RTN4: variants seen among roughly 807,000 people sequenced by gnomAD.
The protein encoded by RTN4 is reticulon-4.
A neutral mutation model predicts 90.4 loss-of-function variants in RTN4; 32 were observed. The ratio of observed to expected loss-of-function variants is 0.35; its 90% CI spans 0.27 to 0.48. The LOEUF is 0.48. RTN4 is among the 20% of genes least tolerant of loss of function. The pLI is 0.99. For synonymous variants in RTN4, 629 were observed against 552.5 expected (o/e 1.14, Z -1.94); for missense variants, 1,706 against 1,430.2 (o/e 1.19, Z -3.11).
At chr2:55,114,531 G>A (rs1010654439), upstream of RTN4, among the ~76,000 whole-genome samples, 8 of 151,964 alleles carry the variant, frequency 5.3e-5, no homozygotes, top group African/African-American at 7.3e-5. Flanking sequence ...AAACCCCGTC[G>A]CTACTAAAAA....
the RTN4 span, among the ~76,000 whole-genome samples, chr2:55,118,061 C>T: frequency 6.6e-6 from 1 of 152,160 alleles, no homozygotes; most frequent in African/African-American, 2.4e-5. Flanking sequence ...TTTGTAGCAA[C>T]CCCACCCCTG....
At chr2:55,043,791 C>T (rs1466319353) in intron 1 of RTN4, among the ~76,000 whole-genome samples, 1 of 151,196 alleles carries the variant, frequency 6.6e-6, no homozygotes, top group Non-Finnish European at 1.5e-5. Flanking sequence ...GAGGCTGAGG[C>T]AGGAGAATTG....
At chr2:55,068,320 T>C (rs1226649997) in intron 2 of RTN4, among the ~76,000 whole-genome samples, 1 of 152,146 alleles carries the variant, frequency 6.6e-6, no homozygotes, top group East Asian at 1.9e-4. Flanking sequence ...TCTAGTAACA[T>C]CATATTGAAA....
chr2:55,053,164 TAA>T (rs1668127118), upstream of RTN4, among the ~76,000 whole-genome samples: 1 of 152,092 alleles, frequency 6.6e-6, no homozygotes, highest in Admixed American at 6.6e-5. Context: ...GATAGATGAG[TAA>T]AGAGTTTGCC....
chr2:55,027,154 T>C lies in RTN4; in HGVS notation c.945A>G (p.Ile315Met). The C allele has an allele frequency of 1.2e-6, 2 of 1,613,684 alleles. No individual in the cohort carries two copies. Residue 315 changes from isoleucine to methionine, a missense_variant, in exon 3 of 9, where the codon ATA becomes ATG. Coordinates refer to ENST00000337526, the MANE Select transcript of RTN4 (RefSeq NM_020532.5). Reference protein sequence around the residue: ...SVSPKAESAVIVANPREEIIV... With the variant: ...SVSPKAESAVMVANPREEIIV... Reference sequence around the variant, plus strand: ...TTATTTCTTCCCTAGGATTTGCTACTATTACGGCAGATTCTGCTTTTGGAG... The same window carrying C: ...TTATTTCTTCCCTAGGATTTGCTACCATTACGGCAGATTCTGCTTTTGGAG...
At chr2:55,095,043 G>T (rs1360078658) in intron 1 of RTN4, among the ~76,000 whole-genome samples, 2 of 152,064 alleles carry the variant, frequency 1.3e-5, no homozygotes, top group African/African-American at 4.8e-5. Context: ...CCATAATAAG[G>T]CTGGGCGCGG....
chr2:55,133,823 C>A, the RTN4 span, among the ~76,000 whole-genome samples: 1 of 152,028 alleles, frequency 6.6e-6, no homozygotes, highest in Non-Finnish European at 1.5e-5. Context: ...GGGGTTCAGC[C>A]CAGGAAGTCA....
At chr2:55,136,198 A>T in the RTN4 span, among the ~76,000 whole-genome samples, 1 of 152,022 alleles carries the variant, frequency 6.6e-6, no homozygotes, top group Admixed American at 6.5e-5. Context: ...AAGAAGCAAC[A>T]GGGCAAAGTT....
At position 55,026,065 on chromosome 2, in the gene RTN4, T is replaced by C; in HGVS notation, c.2034A>G (p.Lys678=). The C allele has an allele frequency of 6.2e-7, 1 of 1,610,598 alleles. No homozygotes were observed. ...KKVSGIKEEI[K]EPENINAALQ... ...GAGCTGCATTAATATTTTCAGGCTCTTTAATTTCTTCCTTTATTCCTGATA... is the reference window on the plus strand; with the variant it reads ...GAGCTGCATTAATATTTTCAGGCTCCTTAATTTCTTCCTTTATTCCTGATA... Residue 678 remains lysine (K), a synonymous_variant, in exon 3 of 9, where the codon AAA becomes AAG. Coordinates refer to ENST00000337526, the MANE Select transcript of RTN4 (RefSeq NM_020532.5).
chr2:55,054,847 C>T (rs1056499914), upstream of RTN4, among the ~76,000 whole-genome samples: 1 of 152,126 alleles, frequency 6.6e-6, no homozygotes, highest in African/African-American at 2.4e-5. Flanking sequence ...GTTGTTGTCC[C>T]TATCATTTTG....
intron 1 of RTN4, among the ~76,000 whole-genome samples, chr2:55,085,493 G>A (rs1401771049): frequency 6.6e-6 from 1 of 152,168 alleles, no homozygotes; most frequent in Admixed American, 6.5e-5. Context: ...CCTCAGAGGA[G>A]CTCAGTCTCT....
intron 2 of RTN4, among the ~76,000 whole-genome samples, chr2:55,069,094 T>G (rs1282717870): frequency 6.6e-6 from 1 of 152,252 alleles, no homozygotes; most frequent in African/African-American, 2.4e-5. Flanking sequence ...AAAAAGAGTT[T>G]GGACCTTGCA....
At chr2:55,021,466 C>CT (rs3214741) in intron 3 of RTN4, among the ~76,000 whole-genome samples, 2,390 of 140,708 alleles carry the variant, frequency 0.017, 36 homozygotes, top group East Asian at 0.044. Context: ...TGCTTTTACA[C>CT]TTTTTTTTTT....
upstream of RTN4, among the ~76,000 whole-genome samples, chr2:55,117,232 G>C (rs1668141197): frequency 6.6e-6 from 1 of 152,220 alleles, no homozygotes; most frequent in African/African-American, 2.4e-5. Flanking sequence ...CATAAAGACA[G>C]ACATGTGAGA....
Position 55,027,385 on chromosome 2 carries a change from C to A in RTN4, c.714G>T (p.Leu238=). The A allele has an allele frequency of 6.2e-7, 1 of 1,613,610 alleles. No homozygotes were observed. Among genetic ancestry groups the A allele is most frequent in the South Asian group, 1.1e-5 (1 of 91,072 alleles). The change falls in exon 3 of 9, where the codon CTG becomes CTT. Residue 238 remains leucine (L), a synonymous_variant. Transcript: ENST00000337526. The part of the protein sequence containing the change: ...LLETAASLPS[L]SPLSAASFKE... ...TGAAAGAAGCGGCTGAGAGAGGAGA[C>A]AGAGAAGGAAGAGAAGCAGCAGTTT...
At chr2:54,991,686 T>C (rs1172034791) in intron 3 of RTN4, among the ~76,000 whole-genome samples, 2 of 152,246 alleles carry the variant, frequency 1.3e-5, no homozygotes, top group Non-Finnish European at 2.9e-5. Flanking sequence ...CTGTGCTCAA[T>C]ATAATTTTAA....
At chr2:55,033,150 G>A (rs1416230370) in intron 1 of RTN4, among the ~76,000 whole-genome samples, 4 of 150,548 alleles carry the variant, frequency 2.7e-5, no homozygotes, top group Non-Finnish European at 5.9e-5. Flanking sequence ...ACTCCAAGCA[G>A]AATAAACACA....
rs951707208 is a variant in RTN4 at position 55,026,297 on chromosome 2, T to A, written c.1802A>T (p.Glu601Val). The A allele has an allele frequency of 6.2e-7, 1 of 1,613,952 alleles. No individual in the cohort carries two copies. Among genetic ancestry groups the A allele is most frequent in the Admixed American group, 1.7e-5 (1 of 59,970 alleles). Residue 601 changes from glutamate (E) to valine (V), a missense_variant, in exon 3 of 9, where the codon GAA becomes GTA. Physicochemically the swap from Glu to Val is moderately radical, Grantham distance 121. Coordinates refer to ENST00000337526, the MANE Select transcript of RTN4 (RefSeq NM_020532.5). The part of the protein sequence containing the change: ...YPAAQLCPSF[E>V]ESEATPSPVL... ...TGGTGAAGGAGTAGCTTCTGACTCT[T>A]CAAATGATGGGCAAAGCTGTGCTGC...
chr2:54,979,027 G>A (rs1573274787), intron 5 of RTN4, among the ~76,000 whole-genome samples: 1 of 151,656 alleles, frequency 6.6e-6, no homozygotes, highest in South Asian at 2.1e-4. Flanking sequence ...CCACTATTAA[G>A]GAACTTAAGA....
Sources: allele counts gnomAD v4.1 joint callset (sites outside exome capture counted in the v4.1 genomes callset), GRCh38; gene constraint gnomAD v4.1.1; transcripts MANE v1.5; gene names NCBI Gene and HGNC (gene_info 2026-07-23, HGNC 2026-07-21).